PALM2AKAP2: variants seen among roughly 807,000 people sequenced by gnomAD.
PALM2AKAP2 encodes the protein PALM2 and AKAP2 fusion.
PALM2AKAP2 carries 37 observed loss-of-function variants against 71.5 expected under a neutral mutation model. The observed-to-expected ratio is 0.52, with a 90% CI of 0.40 to 0.68. The LOEUF (loss-of-function observed/expected upper bound fraction) is 0.68, where lower values mean the gene tolerates loss of function less well. Ranked by LOEUF, PALM2AKAP2 falls within the 30% of genes least tolerant of loss-of-function variation. The pLI is 0.00. For synonymous variants in PALM2AKAP2, 468 were observed against 478.8 expected (o/e 0.98, Z 0.29); for missense variants, 1,224 against 1,191.8 (o/e 1.03, Z -0.40).
intron 1 of PALM2AKAP2, chr9:109,772,016 C>T (rs968118256): frequency 6.6e-6 from 1 of 152,410 alleles, no homozygotes. Context: ...CTTCTTCTTT[C>T]CGTGGGGACA....
chr9:110,091,708 C>A (rs765681683), intron 1 of PALM2AKAP2, among the ~76,000 whole-genome samples: 2 of 151,998 alleles, frequency 1.3e-5, no homozygotes. Flanking sequence ...ATGATCTGCC[C>A]GCCTTGGCCT....
chr9:109,688,912 A>T (rs1010408199), intron 1 of PALM2AKAP2, among the ~76,000 whole-genome samples: 8 of 152,184 alleles, frequency 5.3e-5, no homozygotes, highest in Non-Finnish European at 1.0e-4. Flanking sequence ...TTTGATGCCA[A>T]ATGTATTTTT....
intron 2 of PALM2AKAP2, among the ~76,000 whole-genome samples, chr9:110,151,737 A>G (rs1204521034): frequency 6.6e-6 from 1 of 152,132 alleles, no homozygotes; most frequent in African/African-American, 2.4e-5. Flanking sequence ...ATAAACTTAA[A>G]CGTTTCCTAT....
At chr9:110,148,912 A>G (rs1419321129) in intron 2 of PALM2AKAP2, among the ~76,000 whole-genome samples, 1 of 152,194 alleles carries the variant, frequency 6.6e-6, no homozygotes. Flanking sequence ...TAAAAGTTAG[A>G]CCTGAAATCC....
intron 6 of PALM2AKAP2, among the ~76,000 whole-genome samples, chr9:109,946,927 A>G (rs893396238): frequency 6.6e-6 from 1 of 152,198 alleles, no homozygotes; most frequent in Non-Finnish European, 1.5e-5. Flanking sequence ...TTAGTGTGCA[A>G]TAAGACAAAC....
At chr9:110,083,629 T>C (rs1169081491) in intron 1 of PALM2AKAP2, among the ~76,000 whole-genome samples, 2 of 152,182 alleles carry the variant, frequency 1.3e-5, no homozygotes, top group Non-Finnish European at 2.9e-5. Context: ...CCAAGTTTTG[T>C]TGAAAAATTC....
Position 110,122,884 on chromosome 9 carries a change from A to G in PALM2AKAP2, c.157-13243A>G, listed in dbSNP as rs548352887. Reference sequence around the variant, plus strand: ...GAGGTGTGAGCTGCAGCTAGACGTTACCTGCTGGATTCTACTCTGGTCATT... The same window carrying G: ...GAGGTGTGAGCTGCAGCTAGACGTTGCCTGCTGGATTCTACTCTGGTCATT... On this transcript the variant is annotated intron_variant, in intron 1 of 3. Transcript: ENST00000374525. Among the ~76,000 whole-genome samples, 57 of 152,320 alleles carry G rather than the reference A, an allele frequency of 3.7e-4. 1 individual carries two copies. The South Asian group carries it at 0.011, about 31-fold the overall frequency.
chr9:109,947,564 T>C (rs1831537828), intron 6 of PALM2AKAP2, among the ~76,000 whole-genome samples: 1 of 152,216 alleles, frequency 6.6e-6, no homozygotes, highest in African/African-American at 2.4e-5. Context: ...ATACCAGGTC[T>C]TCCTTTGTAA....
intron 1 of PALM2AKAP2, among the ~76,000 whole-genome samples, chr9:109,767,169 C>T (rs1363111546): frequency 6.6e-6 from 1 of 152,114 alleles, no homozygotes; most frequent in African/African-American, 2.4e-5. Context: ...TGATTGGAAC[C>T]CTAGGGGTCC....
chr9:109,776,567 C>T (rs981099923), upstream of PALM2AKAP2, among the ~76,000 whole-genome samples: 1 of 152,162 alleles, frequency 6.6e-6, no homozygotes, highest in African/African-American at 2.4e-5. Context: ...CTGACTGAGC[C>T]GAGATTGCCT....
At chr9:109,863,705 T>A (rs1829372678) in intron 1 of PALM2AKAP2, among the ~76,000 whole-genome samples, 1 of 152,214 alleles carries the variant, frequency 6.6e-6, no homozygotes, top group African/African-American at 2.4e-5. Flanking sequence ...TGGTGTCCTA[T>A]GCAAACTTGT....
chr9:110,034,967 G>A (rs781088128), intron 7 of PALM2AKAP2, among the ~76,000 whole-genome samples: 10 of 151,738 alleles, frequency 6.6e-5, no homozygotes, highest in Non-Finnish European at 1.5e-4. Flanking sequence ...CGGAGTTAAA[G>A]GGAAAAGAAT....
chr9:109,793,719 T>C (rs1437259799), intron 1 of PALM2AKAP2, among the ~76,000 whole-genome samples: 1 of 152,228 alleles, frequency 6.6e-6, no homozygotes, highest in Non-Finnish European at 1.5e-5. Context: ...CTGCAGCCTC[T>C]TTTCATAAGG....
chr9:109,786,498 G>C (rs1826971464), intron 1 of PALM2AKAP2, among the ~76,000 whole-genome samples: 1 of 152,192 alleles, frequency 6.6e-6, no homozygotes, highest in African/African-American at 2.4e-5. Flanking sequence ...ATGACACCCT[G>C]CTTCTAAAAT....
At chr9:109,657,290 C>T (rs1054727551) in intron 1 of PALM2AKAP2, among the ~76,000 whole-genome samples, 3 of 152,190 alleles carry the variant, frequency 2.0e-5, no homozygotes, top group African/African-American at 7.2e-5. Context: ...TTCATCTGGA[C>T]CATGAAATAT....
At chr9:109,852,522 G>A (rs1473843767) in intron 1 of PALM2AKAP2, among the ~76,000 whole-genome samples, 1 of 152,128 alleles carries the variant, frequency 6.6e-6, no homozygotes, top group Non-Finnish European at 1.5e-5. Context: ...CCTTTTGATA[G>A]TATGACTTAT....
At chr9:110,052,383 A>C (rs1313876891) in intron 1 of PALM2AKAP2, among the ~76,000 whole-genome samples, 1 of 152,246 alleles carries the variant, frequency 6.6e-6, no homozygotes, top group Non-Finnish European at 1.5e-5. Context: ...AGTTAAGGTA[A>C]TCCATATACA....
chr9:109,845,192 G>A (rs535477651), intron 1 of PALM2AKAP2, among the ~76,000 whole-genome samples: 36 of 152,306 alleles, frequency 2.4e-4, no homozygotes, highest in African/African-American at 8.2e-4. Context: ...GGAAGCCCAG[G>A]AGCTTCTAGG....
chr9:109,884,243 C>T (rs1174926842), intron 3 of PALM2AKAP2, among the ~76,000 whole-genome samples: 1 of 152,176 alleles, frequency 6.6e-6, no homozygotes. Context: ...AGGTGGATCA[C>T]CCGAGGTCAG....
Sources: gnomAD v4.1 joint callset for allele counts (sites outside exome capture counted in the v4.1 genomes callset) on GRCh38, gnomAD v4.1.1 for gene constraint, MANE v1.5 for transcripts, NCBI Gene and HGNC (gene_info 2026-07-23, HGNC 2026-07-21) for gene names.